Variants in NALF1 observed in about 807,000 individuals in gnomAD.
NALF1 encodes family with sequence similarity 155 member A.
In NALF1, 3 loss-of-function variants were observed where a neutral mutation model predicts 48.4. The ratio of observed to expected loss-of-function variants is 0.06; its 90% confidence interval spans 0.03 to 0.16. The LOEUF is 0.16. NALF1 is among the 10% of genes least tolerant of loss of function. The pLI is 1.00. For missense variants in NALF1, 526 were observed against 571.5 expected, an observed-to-expected ratio of 0.92 and a Z score of 0.81; for synonymous variants, 262 against 245.7, an observed-to-expected ratio of 1.07 and a Z score of -0.62.
At chr13:107,453,454 G>A (rs1321842480) in intron 1 of NALF1, among the ~76,000 whole-genome samples, 1 of 152,206 alleles carries the variant, frequency 6.6e-6, no homozygotes, top group African/African-American at 2.4e-5. Flanking sequence ...TTGTATCTTG[G>A]TCCCTTTTAG....
chr13:107,614,255 C>T (rs1010533347), intron 1 of NALF1, among the ~76,000 whole-genome samples: 2 of 152,166 alleles, frequency 1.3e-5, no homozygotes, highest in Non-Finnish European at 2.9e-5. Flanking sequence ...AACCTAATAA[C>T]GCCGCCTTGT....
intron 1 of NALF1, among the ~76,000 whole-genome samples, chr13:107,392,330 AG>A (rs1883640683): frequency 6.6e-6 from 1 of 152,060 alleles, no homozygotes; most frequent in Non-Finnish European, 1.5e-5. Context: ...CTTGGTTCTG[AG>A]TCCTTGCTCA....
chr13:107,842,954 G>T (rs1411678919), intron 1 of NALF1, among the ~76,000 whole-genome samples: 1 of 152,056 alleles, frequency 6.6e-6, no homozygotes, highest in Non-Finnish European at 1.5e-5. Flanking sequence ...TCCTCAATAA[G>T]AGGATCATCC....
chr13:107,568,456 A>C (rs900989419), intron 1 of NALF1, among the ~76,000 whole-genome samples: 9 of 152,166 alleles, frequency 5.9e-5, no homozygotes, highest in Non-Finnish European at 1.0e-4. Flanking sequence ...TATTATCTGG[A>C]ATGTGTGCCT....
chr13:107,214,495 A>C (rs954704861), intron 1 of NALF1, among the ~76,000 whole-genome samples: 55 of 152,200 alleles, frequency 3.6e-4, no homozygotes, highest in African/African-American at 1.3e-3. Flanking sequence ...AGGAATAAAA[A>C]TGTGTGCGAG....
chr13:107,722,079 A>G (rs1876003679), intron 1 of NALF1, among the ~76,000 whole-genome samples: 1 of 152,182 alleles, frequency 6.6e-6, no homozygotes. Flanking sequence ...TCTATGCAGA[A>G]AATGACCTAA....
chr13:107,752,177 A>G (rs966151937), intron 1 of NALF1, among the ~76,000 whole-genome samples: 1 of 152,048 alleles, frequency 6.6e-6, no homozygotes, highest in Non-Finnish European at 1.5e-5. Context: ...AAAACTACAC[A>G]ATAGTATTTT....
intron 1 of NALF1, among the ~76,000 whole-genome samples, chr13:107,527,534 G>A (rs1200192207): frequency 6.6e-6 from 1 of 152,064 alleles, no homozygotes; most frequent in Non-Finnish European, 1.5e-5. Context: ...ATTAAATACA[G>A]ATTTATACGC....
intron 1 of NALF1, among the ~76,000 whole-genome samples, chr13:107,345,786 C>T (rs777724410): frequency 3.3e-5 from 5 of 152,258 alleles, no homozygotes; most frequent in Admixed American, 3.3e-4. Context: ...AAATAGACAA[C>T]AGGACTACAT....
At chr13:107,585,504 G>A (rs1035581976) in intron 1 of NALF1, among the ~76,000 whole-genome samples, 7 of 152,160 alleles carry the variant, frequency 4.6e-5, no homozygotes, top group African/African-American at 1.7e-4. Context: ...AGGCAAAGGA[G>A]AAAGCTTCTG....
At chr13:107,319,574 T>C (rs1439211950) in intron 1 of NALF1, among the ~76,000 whole-genome samples, 1 of 152,088 alleles carries the variant, frequency 6.6e-6, no homozygotes, top group Non-Finnish European at 1.5e-5. Context: ...TAGAGGTTCA[T>C]AAATATAAAA....
chr13:107,232,079 G>T (rs1483255524), intron 1 of NALF1, among the ~76,000 whole-genome samples: 1 of 152,324 alleles, frequency 6.6e-6, no homozygotes, highest in Admixed American at 6.5e-5. Context: ...CATTAACAAG[G>T]CAGGTCTGGG....
intron 2 of NALF1, among the ~76,000 whole-genome samples, chr13:107,178,864 G>C (rs1594056863): frequency 2.0e-5 from 3 of 151,950 alleles, no homozygotes; most frequent in African/African-American, 7.2e-5. Flanking sequence ...AGAATGGCGT[G>C]AACCCAGGAG....
chr13:107,815,517 T>C (rs1879136981), intron 1 of NALF1, among the ~76,000 whole-genome samples: 1 of 152,028 alleles, frequency 6.6e-6, no homozygotes, highest in Non-Finnish European at 1.5e-5. Flanking sequence ...ATAACAAGTA[T>C]CAAGGAGAAT....
chr13:107,806,125 A>T (rs768833680), intron 1 of NALF1, among the ~76,000 whole-genome samples: 1 of 152,176 alleles, frequency 6.6e-6, no homozygotes, highest in Admixed American at 6.5e-5. Context: ...AGAGAGAAAA[A>T]GCAATGGTTG....
chr13:107,396,365 C>T (rs184784200), intron 1 of NALF1, among the ~76,000 whole-genome samples: 15 of 152,302 alleles, frequency 9.8e-5, no homozygotes, highest in Admixed American at 9.8e-4. Context: ...GCCAGCGCCA[C>T]ATCCAGTTCT....
intron 1 of NALF1, among the ~76,000 whole-genome samples, chr13:107,559,551 G>A (rs532444035): frequency 2.0e-5 from 3 of 152,240 alleles, no homozygotes; most frequent in Non-Finnish European, 2.9e-5. Context: ...GGAGGCATGC[G>A]GTCTGCAGAG....
chr13:107,688,161 T>A (rs953223431), intron 1 of NALF1, among the ~76,000 whole-genome samples: 1 of 152,202 alleles, frequency 6.6e-6, no homozygotes, highest in Non-Finnish European at 1.5e-5. Flanking sequence ...TTCACTTAAA[T>A]CTAATGACAC....
intron 1 of NALF1, among the ~76,000 whole-genome samples, chr13:107,373,181 C>G (rs9520415): frequency 0.055 from 8,367 of 152,208 alleles, 256 homozygotes; most frequent in Non-Finnish European, 0.07. Flanking sequence ...GGTCCCTGTT[C>G]TCTCTTCCTT....
Sources: gnomAD v4.1 joint callset for allele counts (sites outside exome capture counted in the v4.1 genomes callset) on GRCh38, gnomAD v4.1.1 for gene constraint, MANE v1.5 for transcripts, NCBI Gene and HGNC (gene_info 2026-07-23, HGNC 2026-07-21) for gene names.